ABR: variants seen among roughly 807,000 people sequenced by gnomAD.
The protein encoded by ABR is active breakpoint cluster region-related protein.
ABR carries 35 observed loss-of-function variants against 107.2 expected under a neutral mutation model. The ratio of observed to expected loss-of-function variants is 0.33; its 90% confidence interval spans 0.25 to 0.43. The LOEUF (loss-of-function observed/expected upper bound fraction) is 0.43, where lower values mean the gene tolerates loss of function less well. Ranked by LOEUF, ABR falls within the 20% of genes least tolerant of loss-of-function variation. ABR has a pLI of 1.00. For missense variants in ABR, 815 were observed against 1,115.2 expected, an observed-to-expected ratio of 0.73 and a Z score of 3.83; for synonymous variants, 498 against 462.0, an observed-to-expected ratio of 1.08 and a Z score of -1.00.
intron 6 of ABR, 136 bp downstream of exon 6, chr17:1,079,194 C>T (rs992115645): frequency 2.4e-5 from 35 of 1,479,580 alleles, no homozygotes; most frequent in South Asian, 1.0e-4. Flanking sequence ...CACTCACACG[C>T]GCTCACACAC....
chr17:1,226,446 G>A (rs1567906075), intron 1 of ABR, among the ~76,000 whole-genome samples: 1 of 151,930 alleles, frequency 6.6e-6, no homozygotes, highest in Non-Finnish European at 1.5e-5. Flanking sequence ...GTGTGCAGGT[G>A]TGTATGTGTG....
intron 16 of ABR, among the ~76,000 whole-genome samples, chr17:1,015,334 G>A (rs1055210293): frequency 4.7e-5 from 7 of 149,552 alleles, no homozygotes; most frequent in Non-Finnish European, 8.9e-5. Flanking sequence ...TGGAAGAATC[G>A]CTTGAACCCA....
intron 16 of ABR, among the ~76,000 whole-genome samples, chr17:1,040,193 C>T (rs1333544121): frequency 6.6e-6 from 1 of 152,118 alleles, no homozygotes; most frequent in Non-Finnish European, 1.5e-5. Flanking sequence ...ACCCAGGGCC[C>T]CCAGGACGCA....
chr17:1,162,206 G>A (rs551117196), intron 1 of ABR, among the ~76,000 whole-genome samples: 1 of 152,316 alleles, frequency 6.6e-6, no homozygotes, highest in South Asian at 2.1e-4. Context: ...CCCTTACTCT[G>A]GCAGAGAACA....
At position 1,030,851 on chromosome 17, in the gene ABR, G is replaced by T. The variant is rs1377077861; in HGVS notation, c.1792-17687C>A. Among the ~76,000 whole-genome samples, 4 of 152,262 alleles carry T rather than the reference G, an allele frequency of 2.6e-5. No individual in the cohort carries two copies. The East Asian group carries it at 5.8e-4, about 22-fold the overall frequency. On this transcript the variant is annotated intron_variant, in intron 16 of 22. Coordinates refer to ENST00000302538, the MANE Select transcript of ABR (RefSeq NM_021962.5). ...TCTGAGACAGCTAACTCGGACAGTT[G>T]ATTTGATCTGCAGAGTTATCGAGCA... is the stretch of plus-strand genomic sequence containing the variant.
chr17:1,013,772 C>T (rs2070869033), intron 16 of ABR, among the ~76,000 whole-genome samples: 1 of 152,230 alleles, frequency 6.6e-6, no homozygotes, highest in Non-Finnish European at 1.5e-5. Context: ...TGGGTCAAGC[C>T]ATTGGCTCCC....
intron 1 of ABR, among the ~76,000 whole-genome samples, chr17:1,151,563 T>C (rs1209019895): frequency 6.6e-6 from 1 of 152,212 alleles, no homozygotes; most frequent in African/African-American, 2.4e-5. Context: ...CGTTCTTCCC[T>C]GCGGAGAGAT....
Position 1,161,744 on chromosome 17 carries a change from A to G in ABR, c.61+17923T>C, listed in dbSNP as rs143181495. ...TAATTTTTGTATTTTTAGTAGAGAC[A>G]GGGTTTCACCATGTTGGCCAGGCTG... is the stretch of plus-strand genomic sequence containing the variant. On this transcript the variant is annotated intron_variant, in intron 1 of 22. Coordinates refer to ENST00000302538, the MANE Select transcript of ABR (RefSeq NM_021962.5). Among the ~76,000 whole-genome samples, 209 of 151,996 alleles carry G rather than the reference A, an allele frequency of 1.4e-3. 2 individuals carry two copies. The highest frequency in any genetic ancestry group is 4.5e-3 in the African/African-American group (186 of 41,480).
chr17:1,006,757 C>T (rs886430125), intron 22 of ABR, among the ~76,000 whole-genome samples: 1 of 151,672 alleles, frequency 6.6e-6, no homozygotes, highest in East Asian at 1.9e-4. Context: ...GCCACGGGCC[C>T]GGGCGGTGCC....
At chr17:1,218,147 G>C (rs1446820880) in intron 1 of ABR, among the ~76,000 whole-genome samples, 4 of 152,174 alleles carry the variant, frequency 2.6e-5, no homozygotes, top group African/African-American at 4.8e-5. Context: ...CCACATGCCG[G>C]ACCCCATGCT....
intron 16 of ABR, among the ~76,000 whole-genome samples, chr17:1,019,228 G>A (rs192770956): frequency 1.4e-4 from 21 of 152,190 alleles, no homozygotes; most frequent in African/African-American, 4.3e-4. Flanking sequence ...CCCAGTTCTC[G>A]CCCCGCCTCC....
intron 1 of ABR, among the ~76,000 whole-genome samples, chr17:1,220,434 G>C (rs2043099380): frequency 6.6e-6 from 1 of 152,202 alleles, no homozygotes; most frequent in South Asian, 2.1e-4. Flanking sequence ...GATCGCTGCG[G>C]AAAGACTTGC....
chr17:1,058,887 A>G lies in ABR; in HGVS notation c.1183-20T>C. The G allele has an allele frequency of 6.2e-7, 1 of 1,613,716 alleles. No individual in the cohort carries two copies. The highest frequency in any genetic ancestry group is 8.5e-7 in the Non-Finnish European group (1 of 1,179,786). ...GGCTTTCTGCAGGAGATGGGGACAC[A>G]GAGGGTTCCCCTCACACTCGGGCCT... On this transcript the variant is annotated intron_variant, in intron 10 of 22. Coordinates refer to ENST00000302538, the MANE Select transcript of ABR (RefSeq NM_021962.5).
chr17:1,058,701 A>G, intron 11 of ABR, 44 bp downstream of exon 11: 1 of 1,607,484 alleles, frequency 6.2e-7, no homozygotes, highest in East Asian at 2.2e-5. Context: ...GCTGCTCTGG[A>G]CTAAGGAAGG....
intron 10 of ABR, among the ~76,000 whole-genome samples, chr17:1,064,368 C>T (rs1471126907): frequency 2.7e-3 from 44 of 16,168 alleles, no homozygotes; most frequent in East Asian, 6.3e-3. Flanking sequence ...CTAGACACTG[C>T]TGTTATGTGA....
intron 1 of ABR, among the ~76,000 whole-genome samples, chr17:1,141,764 C>CTT (rs11330072): frequency 0.01 from 1,504 of 146,396 alleles, 22 homozygotes; most frequent in African/African-American, 0.035. Context: ...GACTTAAATT[C>CTT]TTTTTTTTTT....
chr17:1,199,614 A>C lies in ABR; in HGVS notation c.838+29179T>G, dbSNP rs375143030. On this transcript the variant is annotated intron_variant, in intron 1 of 22. Coordinates refer to the ABR transcript ENST00000574139. ...CAGACGCCCGCCACCACGCCCGGCT[A>C]ATTTTTGCATTTTCAGTAGAGACAG... Among the ~76,000 whole-genome samples, 20 of 151,696 alleles carry C rather than the reference A, an allele frequency of 1.3e-4. No homozygotes were observed. In the South Asian group the frequency reaches 4.2e-3, roughly 32 times the overall value.
chr17:1,125,464 TG>T lies in ABR; in HGVS notation c.62-98del, dbSNP rs780639296. 19 of 1,449,990 alleles carry T rather than the reference TG, an allele frequency of 1.3e-5. 1 individual carries two copies. The highest frequency in any genetic ancestry group is 3.5e-4 in the Middle Eastern group (2 of 5,788). 89.8% of individuals were successfully genotyped at this position (1,449,990 alleles called of 1,614,324 possible). A position where few individuals can be genotyped will look rare whatever the true frequency, so the allele number is the denominator to read the frequency against. On this transcript the variant is annotated intron_variant, in intron 1 of 22. Coordinates refer to ENST00000302538, the MANE Select transcript of ABR (RefSeq NM_021962.5). ...CGCCGGCGGCGGCCCCCGGCAGCCA[TG>T]GCCCCGGCCGCACCATCCACGCCTG...
At chr17:1,086,893 GA>G (rs2036626989) in intron 4 of ABR, among the ~76,000 whole-genome samples, 2 of 151,964 alleles carry the variant, frequency 1.3e-5, no homozygotes, top group Admixed American at 1.3e-4. Context: ...AGGATCACTT[GA>G]GCCCGAGTTC....
Sources: allele counts gnomAD v4.1 joint callset (sites outside exome capture counted in the v4.1 genomes callset), GRCh38; gene constraint gnomAD v4.1.1; transcripts MANE v1.5; gene names NCBI Gene and HGNC (gene_info 2026-07-23, HGNC 2026-07-21).